The following UNC13B variants were observed in gnomAD, a reference collection of about 807,000 sequenced individuals.
The protein encoded by UNC13B is protein unc-13 homolog B.
In UNC13B, 144 loss-of-function variants were observed where a neutral mutation model predicts 211.0. That is an observed-to-expected ratio of 0.68 (90% CI 0.60 to 0.78). The LOEUF (loss-of-function observed/expected upper bound fraction) is 0.78. Among genes scored for constraint, UNC13B ranks in the 30% least tolerant of loss-of-function variants. The probability of loss-of-function intolerance (pLI) is 0.00; values close to 1 mark genes in which losing one functional copy is unlikely to be tolerated. For missense variants in UNC13B, 1,777 were observed against 2,002.0 expected (o/e 0.89, Z 2.14); for synonymous variants, 709 against 725.8 (o/e 0.98, Z 0.37).
intron 1 of UNC13B, among the ~76,000 whole-genome samples, chr9:35,209,710 A>T (rs568593310): frequency 2.0e-5 from 3 of 152,300 alleles, no homozygotes; most frequent in Admixed American, 2.0e-4. Context: ...TGGCAATGAT[A>T]TAGTTCTATA....
intron 6 of UNC13B, 77 bp downstream of exon 6, chr9:35,243,441 G>T (rs1825918683): frequency 2.8e-6 from 4 of 1,445,006 alleles, no homozygotes; most frequent in Non-Finnish European, 2.9e-6. Flanking sequence ...CCAGGGAGGG[G>T]CCCAAGAGCA....
At chr9:35,238,909 A>ATTT (rs200109307) in intron 5 of UNC13B, among the ~76,000 whole-genome samples, 17 of 138,934 alleles carry the variant, frequency 1.2e-4, no homozygotes, top group East Asian at 4.2e-4. Flanking sequence ...GGGTTTTTTC[A>ATTT]TTTTTTTTTT....
intron 1 of UNC13B, among the ~76,000 whole-genome samples, chr9:35,227,471 T>G (rs1353056232): frequency 6.6e-6 from 1 of 152,238 alleles, no homozygotes; most frequent in Admixed American, 6.5e-5. Context: ...AGTTGGCATG[T>G]GCACTCCAGT....
chr9:35,203,585 T>G (rs1481376727), intron 1 of UNC13B, among the ~76,000 whole-genome samples: 5 of 152,212 alleles, frequency 3.3e-5, no homozygotes, highest in Non-Finnish European at 1.5e-5. Flanking sequence ...CTGGCTCCCT[T>G]AACATTTTTT....
Position 35,376,036 on chromosome 9 carries a change from C to T in UNC13B, c.9624C>T (p.His3208=), listed in dbSNP as rs112823171. ...GGGTATGTGTCTTTCAGAAATCCCACGTGTATAAGAAAACCCTGCAGGCCT... is the reference window on the plus strand; with the variant it reads ...GGGTATGTGTCTTTCAGAAATCCCATGTGTATAAGAAAACCCTGCAGGCCT... ...TSLKDEELKS[H]VYKKTLQALI... is the part of the protein sequence containing the mutation. The change falls in exon 15 of 40, where the codon CAC becomes CAT. Residue 3208 remains histidine, a synonymous_variant. Coordinates refer to ENST00000635942, the MANE Select transcript of UNC13B (RefSeq NM_001371189.2). 1.7e-5 allele frequency: 27 copies of T among 1,614,140 alleles called. No individual in the cohort carries two copies. Among genetic ancestry groups the T allele is most frequent in the East Asian group, 4.5e-5 (2 of 44,872 alleles).
chr9:35,365,150 T>C lies in UNC13B; in HGVS notation c.9415-1797T>C, dbSNP rs1587705674. ...CCCCAAACCATGTGAATGCATAGTA[T>C]ACTAATGCCCTGTGCTTGCAAGCAC... On this transcript the variant is annotated intron_variant, in intron 11 of 39. Coordinates refer to ENST00000635942, the MANE Select transcript of UNC13B (RefSeq NM_001371189.2). 1.3e-5 allele frequency among the ~76,000 whole-genome samples: 2 copies of C among 152,202 alleles called. 1 individual carries two copies. Among genetic ancestry groups the C allele is most frequent in the Non-Finnish European group, 2.9e-5 (2 of 68,030 alleles).
chr9:35,163,657 A>G (rs1820887714), intron 1 of UNC13B, among the ~76,000 whole-genome samples: 1 of 152,252 alleles, frequency 6.6e-6, no homozygotes, highest in Non-Finnish European at 1.5e-5. Context: ...ACTGTATTAC[A>G]GAGCTGGTCC....
chr9:35,384,824 C>T lies in UNC13B; in HGVS notation c.10875+510C>T, dbSNP rs550708452. 166 of 821,344 alleles carry T rather than the reference C, an allele frequency of 2.0e-4. No individual in the cohort carries two copies. The African/African-American group carries it at 2.3e-3, about 11-fold the overall frequency. 50.9% of individuals were successfully genotyped at this position (821,344 alleles called of 1,614,324 possible). A position where few individuals can be genotyped will look rare whatever the true frequency, so the allele number is the denominator to read the frequency against. ...TATAGTAGGAGGATGGTTACTGGGA[C>T]GGGACAGGATAAGGAAATGGGCAGT... On this transcript the variant is annotated intron_variant, in intron 22 of 39. Transcript: ENST00000635942.
intron 6 of UNC13B, among the ~76,000 whole-genome samples, chr9:35,250,794 A>G (rs192268975): frequency 2.1e-3 from 314 of 152,094 alleles, no homozygotes; most frequent in Non-Finnish European, 2.1e-3. Flanking sequence ...AAGGGTTTCA[A>G]TTTCTTCATA....
intron 5 of UNC13B, among the ~76,000 whole-genome samples, chr9:35,241,977 T>G (rs548088329): frequency 1.3e-3 from 192 of 152,274 alleles, no homozygotes; most frequent in African/African-American, 4.1e-3. Context: ...ATTTGCTTTA[T>G]TCATGTGGCT....
intron 10 of UNC13B, among the ~76,000 whole-genome samples, chr9:35,312,874 G>A (rs951722162): frequency 9.9e-5 from 15 of 152,174 alleles, no homozygotes; most frequent in Non-Finnish European, 2.2e-4. Flanking sequence ...TGTTCTAGAA[G>A]CAGCTCAAGG....
At chr9:35,366,008 C>T (rs1413390949) in intron 11 of UNC13B, among the ~76,000 whole-genome samples, 2 of 152,174 alleles carry the variant, frequency 1.3e-5, no homozygotes, top group Admixed American at 1.3e-4. Context: ...TTTAGCTCTC[C>T]AAAACATCAC....
At chr9:35,203,616 G>T (rs531616239) in intron 1 of UNC13B, among the ~76,000 whole-genome samples, 1 of 152,116 alleles carries the variant, frequency 6.6e-6, no homozygotes, top group Non-Finnish European at 1.5e-5. Flanking sequence ...AACAGGATCT[G>T]TGGAAATTTG....
chr9:35,341,917 T>C (rs1832020549), intron 11 of UNC13B: 1 of 985,314 alleles, frequency 1.0e-6, no homozygotes, highest in African/African-American at 1.7e-5. Flanking sequence ...CCAGAATCGA[T>C]TGAGTTAGAA....
chr9:35,180,559 C>A lies in UNC13B; in HGVS notation c.22+18254C>A, dbSNP rs374800504. Among the ~76,000 whole-genome samples the A allele has an allele frequency of 2.0e-5, 3 of 152,036 alleles. No homozygotes were observed. In the East Asian group the frequency reaches 5.8e-4, roughly 29 times the overall value. ...AGTCGGTGTGAATTTGGTATCAGTA[C>A]TGCAGGGAGAGGGCTGTGGACTTCA... On this transcript the variant is annotated intron_variant, in intron 1 of 39. Coordinates refer to ENST00000635942, the MANE Select transcript of UNC13B (RefSeq NM_001371189.2).
intron 1 of UNC13B, among the ~76,000 whole-genome samples, chr9:35,217,920 T>C (rs1000439976): frequency 2.0e-5 from 3 of 152,002 alleles, no homozygotes; most frequent in African/African-American, 7.3e-5. Flanking sequence ...GGCAGGTACC[T>C]AGTCTTAGCT....
Position 35,295,756 on chromosome 9 carries a change from G to T in UNC13B, c.587G>T (p.Ser196Ile). ...GATAGTGACTATCGCAGTGAGACCA[G>T]CAACAGCTTCCCACCTCCTTACCAT... ...DRDSDYRSET[S>I]NSFPPPYHTA... Residue 196 changes from serine (S) to isoleucine (I), a missense_variant, in exon 8 of 40, where the codon AGC becomes ATC. Physicochemically the swap from Ser to Ile is moderately radical, Grantham distance 142. Coordinates refer to ENST00000635942, the MANE Select transcript of UNC13B (RefSeq NM_001371189.2). 1 of 1,614,132 alleles carries T rather than the reference G, an allele frequency of 6.2e-7. No homozygotes were observed. The highest frequency in any genetic ancestry group is 8.5e-7 in the Non-Finnish European group (1 of 1,180,020).
intron 37 of UNC13B, among the ~76,000 whole-genome samples, chr9:35,401,002 C>T (rs986292063): frequency 1.2e-4 from 19 of 152,132 alleles, no homozygotes; most frequent in Admixed American, 1.2e-3. Context: ...CCCAGGAAGC[C>T]GGTTTTCTCC....
intron 1 of UNC13B, among the ~76,000 whole-genome samples, chr9:35,213,487 A>G (rs759083769): frequency 1.8e-4 from 28 of 152,266 alleles, no homozygotes; most frequent in Non-Finnish European, 3.5e-4. Context: ...CATTCAATCT[A>G]TGGTGTCTTA....
Sources: allele counts gnomAD v4.1 joint callset (sites outside exome capture counted in the v4.1 genomes callset), GRCh38; gene constraint gnomAD v4.1.1; transcripts MANE v1.5; gene names NCBI Gene and HGNC (gene_info 2026-07-23, HGNC 2026-07-21).